Variants in TANGO6 observed in about 807,000 individuals in gnomAD.
TANGO6 encodes transport and Golgi organization protein 6 homolog.
TANGO6 carries 90 observed loss-of-function variants against 114.2 expected under a neutral mutation model. That is an observed-to-expected ratio of 0.79 (90% CI 0.66 to 0.94). TANGO6 has a LOEUF of 0.94. TANGO6 is among the 40% of genes least tolerant of loss of function. The pLI, the probability that TANGO6 is intolerant of heterozygous loss-of-function variation, is 0.00. For missense variants in TANGO6, 1,274 were observed against 1,315.3 expected (o/e 0.97, Z 0.49); for synonymous variants, 477 against 509.8 (o/e 0.94, Z 0.87).
chr16:68,954,108 G>T (rs930272568), intron 14 of TANGO6, among the ~76,000 whole-genome samples: 18 of 152,076 alleles, frequency 1.2e-4, no homozygotes, highest in African/African-American at 3.6e-4. Flanking sequence ...AAGTTAGCTG[G>T]GTGTGGTGGT....
chr16:68,939,162 A>C (rs1187761543), intron 14 of TANGO6, among the ~76,000 whole-genome samples: 2 of 152,020 alleles, frequency 1.3e-5, no homozygotes, highest in African/African-American at 4.8e-5. Context: ...AATATAATAA[A>C]TTTAGTTTGT....
At chr16:68,948,914 C>T (rs1225329475) in intron 14 of TANGO6, among the ~76,000 whole-genome samples, 1 of 152,188 alleles carries the variant, frequency 6.6e-6, no homozygotes, top group African/African-American at 2.4e-5. Flanking sequence ...TGGCTGGGTG[C>T]GGTGGCTCAC....
intron 7 of TANGO6, 67 bp downstream of exon 7, chr16:68,880,697 T>G: frequency 8.0e-7 from 1 of 1,248,080 alleles, no homozygotes; most frequent in Non-Finnish European, 1.1e-6. Context: ...AATTTTTTCT[T>G]TTTTTGTAGA....
intron 17 of TANGO6, among the ~76,000 whole-genome samples, chr16:69,048,655 G>T (rs1320683817): frequency 6.6e-6 from 1 of 152,114 alleles, no homozygotes; most frequent in Non-Finnish European, 1.5e-5. Context: ...TCCTGATAAG[G>T]TTATTTATGA....
At chr16:68,950,192 A>T (rs542605203) in intron 14 of TANGO6, among the ~76,000 whole-genome samples, 4 of 152,326 alleles carry the variant, frequency 2.6e-5, no homozygotes, top group Non-Finnish European at 5.9e-5. Flanking sequence ...TTGTGAGGAG[A>T]TGAAAATGTT....
rs1429108917 is a variant in TANGO6 at position 68,976,771 on chromosome 16, G to C, written c.2842+2603G>C. Among the ~76,000 whole-genome samples the C allele has an allele frequency of 2.6e-5, 4 of 152,314 alleles. No homozygotes were observed. In the South Asian group the frequency reaches 6.2e-4, roughly 24 times the overall value. On this transcript the variant is annotated intron_variant, in intron 15 of 17. Coordinates refer to ENST00000261778, the MANE Select transcript of TANGO6 (RefSeq NM_024562.2). ...GGTTCCGTTTTAGGGCTGTGTTCTT[G>C]TCATGCATGGCCTATATCAGATTGT...
chr16:68,863,574 C>G (rs1962132771), intron 3 of TANGO6, among the ~76,000 whole-genome samples: 1 of 152,058 alleles, frequency 6.6e-6, no homozygotes, highest in Non-Finnish European at 1.5e-5. Flanking sequence ...CATGCCATTG[C>G]ACTCCAGTCT....
At chr16:68,875,019 C>T in intron 4 of TANGO6, 135 bp from the exon 5 acceptor site, 5 of 877,040 alleles carry the variant, frequency 5.7e-6, no homozygotes, top group South Asian at 3.0e-5. Flanking sequence ...GGTAGATTAT[C>T]TTATAGAAAA....
intron 15 of TANGO6, among the ~76,000 whole-genome samples, chr16:69,003,946 GT>G (rs1462936176): frequency 6.8e-6 from 1 of 146,892 alleles, no homozygotes; most frequent in African/African-American, 2.5e-5. Context: ...TTTCTATCTT[GT>G]TTCTATTTTC....
At chr16:68,892,046 A>G (rs1275693998) in intron 7 of TANGO6, among the ~76,000 whole-genome samples, 1 of 152,222 alleles carries the variant, frequency 6.6e-6, no homozygotes, top group African/African-American at 2.4e-5. Flanking sequence ...ATAGCAGCCT[A>G]CTTTGTTCAT....
chr16:69,042,985 G>T (rs1410412212), intron 17 of TANGO6, among the ~76,000 whole-genome samples: 1 of 152,208 alleles, frequency 6.6e-6, no homozygotes, highest in Non-Finnish European at 1.5e-5. Flanking sequence ...AGCACTTTGG[G>T]AGGCTGAGGT....
At chr16:69,027,916 G>A (rs968062996) in intron 16 of TANGO6, among the ~76,000 whole-genome samples, 6 of 151,960 alleles carry the variant, frequency 3.9e-5, no homozygotes, top group African/African-American at 1.4e-4. Context: ...AGGTAGCTGG[G>A]ATTACAGGCG....
At chr16:68,869,607 T>C (rs1962235119) in intron 4 of TANGO6, among the ~76,000 whole-genome samples, 1 of 152,230 alleles carries the variant, frequency 6.6e-6, no homozygotes, top group Admixed American at 6.5e-5. Flanking sequence ...CATCCAAGGA[T>C]CCCCTTCACT....
chr16:69,019,138 C>A (rs1959357911), intron 15 of TANGO6, among the ~76,000 whole-genome samples: 1 of 152,138 alleles, frequency 6.6e-6, no homozygotes, highest in African/African-American at 2.4e-5. Flanking sequence ...GGTTATTTAA[C>A]CTTTCCTATA....
chr16:68,939,424 G>A (rs1032732574), intron 14 of TANGO6, among the ~76,000 whole-genome samples: 7 of 152,062 alleles, frequency 4.6e-5, no homozygotes, highest in Non-Finnish European at 8.8e-5. Context: ...TGGAAACTGG[G>A]TGAGACCTGT....
intron 14 of TANGO6, among the ~76,000 whole-genome samples, chr16:68,963,629 A>G (rs1963616453): frequency 6.6e-6 from 1 of 152,238 alleles, no homozygotes; most frequent in South Asian, 2.1e-4. Context: ...GTGCACACGC[A>G]TAGGTACACA....
chr16:68,922,465 G>A (rs910755429), intron 12 of TANGO6, among the ~76,000 whole-genome samples: 3 of 152,032 alleles, frequency 2.0e-5, no homozygotes, highest in Non-Finnish European at 4.4e-5. Context: ...GAACCCAGGA[G>A]GGGGAGGTTG....
intron 14 of TANGO6, chr16:68,972,925 C>A (rs560700403): frequency 1.1e-5 from 3 of 281,952 alleles, no homozygotes; most frequent in South Asian, 9.8e-5. Context: ...CCGACTCCTC[C>A]GAGCCAGGAT....
intron 17 of TANGO6, among the ~76,000 whole-genome samples, chr16:69,072,964 G>GC (rs1960318395): frequency 7.1e-6 from 1 of 140,110 alleles, no homozygotes; most frequent in African/African-American, 2.6e-5. Flanking sequence ...TCCTCTAAAA[G>GC]GAAAAAAAAA....
Sources: gnomAD v4.1 joint callset for allele counts (sites outside exome capture counted in the v4.1 genomes callset) on GRCh38, gnomAD v4.1.1 for gene constraint, MANE v1.5 for transcripts, NCBI Gene and HGNC (gene_info 2026-07-23, HGNC 2026-07-21) for gene names.